The following TMCC1 variants were observed in gnomAD, a reference collection of about 807,000 sequenced individuals.
The protein encoded by TMCC1 is transmembrane and coiled-coil domain family 1, also known as transmembrane and coiled-coil domains protein 1.
A neutral mutation model predicts 52.4 loss-of-function variants in TMCC1; 15 were observed. The observed-to-expected ratio is 0.29, with a 90% CI of 0.19 to 0.44. TMCC1 has a LOEUF of 0.44. TMCC1 is among the 20% of genes least tolerant of loss of function. The probability of loss-of-function intolerance (pLI) is 1.00; values close to 1 mark genes in which losing one functional copy is unlikely to be tolerated. For synonymous variants in TMCC1, 279 were observed against 301.9 expected, an observed-to-expected ratio of 0.92 and a Z score of 0.79; for missense variants, 503 against 806.0, an observed-to-expected ratio of 0.62 and a Z score of 4.55.
chr3:129,876,392 T>C (rs1213385280), intron 2 of TMCC1, among the ~76,000 whole-genome samples: 4 of 150,956 alleles, frequency 2.6e-5, no homozygotes, highest in African/African-American at 9.7e-5. Context: ...CCCTATAACC[T>C]AAGAAAGAAG....
intron 2 of TMCC1, among the ~76,000 whole-genome samples, chr3:129,862,321 T>C (rs1011888654): frequency 2.6e-5 from 4 of 152,104 alleles, no homozygotes; most frequent in African/African-American, 9.7e-5. Context: ...GTGAATATAC[T>C]AAAAACCACT....
intron 4 of TMCC1, among the ~76,000 whole-genome samples, chr3:129,695,380 A>G (rs1163291157): frequency 6.6e-6 from 1 of 152,158 alleles, no homozygotes; most frequent in Non-Finnish European, 1.5e-5. Flanking sequence ...TGCAATGTGT[A>G]TTAGTCTGTT....
intron 2 of TMCC1, among the ~76,000 whole-genome samples, chr3:129,876,191 C>G (rs991442071): frequency 6.8e-6 from 1 of 147,014 alleles, no homozygotes; most frequent in African/African-American, 2.5e-5. Flanking sequence ...TACCTTCATT[C>G]TTTTGATAAT....
At chr3:129,887,001 A>G (rs944459749) in intron 1 of TMCC1, among the ~76,000 whole-genome samples, 3 of 152,108 alleles carry the variant, frequency 2.0e-5, no homozygotes, top group Non-Finnish European at 4.4e-5. Context: ...TTTATGTGAC[A>G]TGTTTAGAAT....
intron 2 of TMCC1, among the ~76,000 whole-genome samples, chr3:129,846,765 A>T (rs1158182269): frequency 6.6e-6 from 1 of 150,484 alleles, no homozygotes; most frequent in Non-Finnish European, 1.5e-5. Context: ...ATAGTGGCTC[A>T]AGCCCATAAT....
At chr3:129,725,150 G>A (rs143679043) in intron 4 of TMCC1, among the ~76,000 whole-genome samples, 159 of 152,218 alleles carry the variant, frequency 1.0e-3, no homozygotes, top group African/African-American at 3.4e-3. Context: ...GTCTTGCTCT[G>A]CCATCCAGGC....
chr3:129,740,298 T>C (rs1428453169), intron 4 of TMCC1, among the ~76,000 whole-genome samples: 1 of 152,216 alleles, frequency 6.6e-6, no homozygotes, highest in African/African-American at 2.4e-5. Flanking sequence ...TCAAAGTTCT[T>C]TGCTTCCCCT....
chr3:129,827,701 G>A, intron 4 of TMCC1, 102 bp downstream of exon 4: 4 of 1,379,608 alleles, frequency 2.9e-6, no homozygotes, highest in Non-Finnish European at 3.9e-6. Context: ...ACAACTTTAA[G>A]GTATTTGCTG....
intron 4 of TMCC1, among the ~76,000 whole-genome samples, chr3:129,770,171 C>G (rs2054440508): frequency 6.6e-6 from 1 of 151,926 alleles, no homozygotes; most frequent in African/African-American, 2.4e-5. Context: ...ATCTCAGGTC[C>G]AATTAAAGAG....
chr3:129,863,535 G>C (rs2060489510), intron 2 of TMCC1, among the ~76,000 whole-genome samples: 1 of 152,032 alleles, frequency 6.6e-6, no homozygotes, highest in Admixed American at 6.6e-5. Context: ...AAGAATAAGG[G>C]GAAAAAGAAC....
intron 2 of TMCC1, among the ~76,000 whole-genome samples, chr3:129,856,618 CAA>C (rs1379362682): frequency 1.3e-5 from 2 of 152,110 alleles, no homozygotes; most frequent in Non-Finnish European, 2.9e-5. Flanking sequence ...AATTGGTTCT[CAA>C]AATAAAACAA....
At chr3:129,855,298 C>T in intron 2 of TMCC1, among the ~76,000 whole-genome samples, 1 of 152,094 alleles carries the variant, frequency 6.6e-6, no homozygotes, top group Non-Finnish European at 1.5e-5. Flanking sequence ...TTTCTTAACA[C>T]CTCATTGAGT....
In TMCC1 at chr3:129,648,111, T is replaced by C. The variant is rs907582294; in HGVS notation, c.*3370A>G. 4.6e-5 allele frequency: 7 copies of C among 152,554 alleles called. No individual in the cohort carries two copies. The highest frequency in any genetic ancestry group is 3.9e-4 in the Admixed American group (6 of 15,278). The allele number at this position is 152,554 out of a possible 1,614,324, so 9.5% of individuals were successfully genotyped here. A position where few individuals can be genotyped will look rare whatever the true frequency, so the allele number is the denominator to read the frequency against. On this transcript the variant is annotated 3_prime_UTR_variant, in exon 7 of 7. Coordinates refer to ENST00000393238, the MANE Select transcript of TMCC1 (RefSeq NM_001017395.5). ...GCCACATTCAAAATCCCAGGTTTCA[T>C]TTGGGGTTGGGGTGTGGGAACCATA... is the stretch of plus-strand genomic sequence containing the variant.
chr3:129,862,920 T>A (rs567268100), intron 2 of TMCC1, among the ~76,000 whole-genome samples: 29 of 152,340 alleles, frequency 1.9e-4, no homozygotes, highest in Non-Finnish European at 2.8e-4. Context: ...TTTAACACAA[T>A]TTTGCCATAT....
chr3:129,872,884 T>C (rs1474869241), intron 2 of TMCC1, among the ~76,000 whole-genome samples: 3 of 152,100 alleles, frequency 2.0e-5, no homozygotes. Context: ...ATTGAATGTA[T>C]CCTAATGATA....
chr3:129,788,803 CATCA>C (rs1325536285), intron 4 of TMCC1, among the ~76,000 whole-genome samples: 23 of 152,084 alleles, frequency 1.5e-4, no homozygotes, highest in Non-Finnish European at 5.9e-5. Context: ...AGAAGAACAT[CATCA>C]ATCTTCCTAT....
intron 5 of TMCC1, among the ~76,000 whole-genome samples, chr3:129,659,068 G>A (rs1022855965): frequency 1.8e-4 from 27 of 151,448 alleles, no homozygotes; most frequent in Non-Finnish European, 1.8e-4. Flanking sequence ...TGTAGTCAGG[G>A]AACCTGTTTT....
intron 1 of TMCC1, among the ~76,000 whole-genome samples, chr3:129,891,524 T>C (rs930899342): frequency 9.9e-5 from 15 of 152,222 alleles, no homozygotes; most frequent in Non-Finnish European, 7.3e-5. Flanking sequence ...AAAGAGATCA[T>C]ATGGCCCAAA....
chr3:129,780,433 C>G (rs557763522), intron 4 of TMCC1, among the ~76,000 whole-genome samples: 1 of 152,012 alleles, frequency 6.6e-6, no homozygotes, highest in African/African-American at 2.4e-5. Context: ...ACCCCTCCAC[C>G]CCTCTATTTT....
Sources: allele counts gnomAD v4.1 joint callset (sites outside exome capture counted in the v4.1 genomes callset), GRCh38; gene constraint gnomAD v4.1.1; transcripts MANE v1.5; gene names NCBI Gene and HGNC (gene_info 2026-07-23, HGNC 2026-07-21).